Variants in DCC observed in about 807,000 individuals in gnomAD.
DCC encodes DCC netrin 1 receptor.
In DCC, 58 loss-of-function variants were observed where a neutral mutation model predicts 172.5. The observed-to-expected ratio is 0.34, with a 90% confidence interval of 0.27 to 0.42. DCC has a LOEUF of 0.42. Ranked by LOEUF, DCC falls within the 10% of genes least tolerant of loss-of-function variation. The pLI is 1.00. For missense variants in DCC, 1,740 were observed against 1,791.0 expected (o/e 0.97, Z 0.51); for synonymous variants, 709 against 644.5 (o/e 1.10, Z -1.52).
chr18:53,157,168 A>G (rs991941782), intron 7 of DCC, among the ~76,000 whole-genome samples, 188 bp from the exon 8 acceptor site: 4 of 152,204 alleles, frequency 2.6e-5, no homozygotes, highest in Non-Finnish European at 4.4e-5. Flanking sequence ...GCCACACTTT[A>G]AAACCCAAGA....
intron 12 of DCC, among the ~76,000 whole-genome samples, chr18:53,270,373 G>A (rs568051858): frequency 2.0e-5 from 3 of 152,088 alleles, no homozygotes; most frequent in Non-Finnish European, 4.4e-5. Context: ...TGTTTTTGGG[G>A]GAGGGGGAAA....
At chr18:53,075,570 A>G (rs1043318160) in intron 7 of DCC, among the ~76,000 whole-genome samples, 2 of 146,686 alleles carry the variant, frequency 1.4e-5, no homozygotes, top group African/African-American at 5.0e-5. Flanking sequence ...TTAGCTCTCT[A>G]GAGTAGAAAA....
chr18:53,076,342 T>G (rs889760767), intron 7 of DCC, among the ~76,000 whole-genome samples: 1 of 152,174 alleles, frequency 6.6e-6, no homozygotes, highest in African/African-American at 2.4e-5. Flanking sequence ...TCTCTTGTGT[T>G]TGTTTAGTCT....
intron 1 of DCC, among the ~76,000 whole-genome samples, chr18:52,447,379 A>C (rs1251390481): frequency 6.6e-6 from 1 of 152,202 alleles, no homozygotes; most frequent in Admixed American, 6.5e-5. Flanking sequence ...GTATTACTGT[A>C]AATAAAGGTC....
At chr18:52,724,760 C>A (rs1346952969) in intron 1 of DCC, among the ~76,000 whole-genome samples, 1 of 152,162 alleles carries the variant, frequency 6.6e-6, no homozygotes, top group African/African-American at 2.4e-5. Context: ...CACTCAAACA[C>A]CCTATACACA....
intron 20 of DCC, among the ~76,000 whole-genome samples, chr18:53,415,474 G>A (rs1279152965): frequency 2.0e-5 from 3 of 151,704 alleles, no homozygotes; most frequent in Non-Finnish European, 4.4e-5. Context: ...CTCTTATTTA[G>A]TTTCATCTGG....
chr18:52,429,476 T>G (rs929350170), intron 1 of DCC, among the ~76,000 whole-genome samples: 34 of 152,154 alleles, frequency 2.2e-4, no homozygotes, highest in African/African-American at 7.5e-4. Flanking sequence ...TTAATGACTT[T>G]TCACCATCTA....
intron 5 of DCC, among the ~76,000 whole-genome samples, chr18:52,938,670 A>G (rs2040417164): frequency 6.6e-6 from 1 of 152,166 alleles, no homozygotes; most frequent in South Asian, 2.1e-4. Context: ...CATATATAAT[A>G]CATATGAAAA....
chr18:52,795,561 T>G (rs1449346216), intron 2 of DCC, among the ~76,000 whole-genome samples: 1 of 151,932 alleles, frequency 6.6e-6, no homozygotes, highest in African/African-American at 2.4e-5. Flanking sequence ...CAAGTTTTTG[T>G]TTTATTGGTT....
At chr18:52,438,014 A>G (rs961259955) in intron 1 of DCC, among the ~76,000 whole-genome samples, 1 of 152,198 alleles carries the variant, frequency 6.6e-6, no homozygotes, top group South Asian at 2.1e-4. Flanking sequence ...TTAAGAGCCA[A>G]TGGAAAAATG....
intron 5 of DCC, among the ~76,000 whole-genome samples, chr18:52,955,587 T>C (rs1943105): frequency 0.97 from 147,996 of 152,128 alleles, 72,127 homozygotes; most frequent in Middle Eastern, 1. Context: ...CTGGATCATA[T>C]GTGAAGAGTA....
chr18:53,349,045 A>G (rs767045316), intron 15 of DCC, among the ~76,000 whole-genome samples: 3 of 152,182 alleles, frequency 2.0e-5, no homozygotes, highest in East Asian at 1.9e-4. Context: ...TTTCTTTGCT[A>G]TCACATTGTC....
At chr18:52,460,086 TC>T (rs2144536072) in intron 1 of DCC, among the ~76,000 whole-genome samples, 1 of 152,264 alleles carries the variant, frequency 6.6e-6, no homozygotes, top group East Asian at 1.9e-4. Flanking sequence ...TGAGATATTT[TC>T]CCATGGTAAT....
intron 2 of DCC, among the ~76,000 whole-genome samples, chr18:52,842,466 GT>G (rs900938364): frequency 7.9e-5 from 12 of 152,062 alleles, no homozygotes; most frequent in Non-Finnish European, 1.6e-4. Context: ...ACTTCTTTTT[GT>G]TCTATTAAGG....
intron 12 of DCC, among the ~76,000 whole-genome samples, chr18:53,249,401 T>A (rs1395522176): frequency 6.6e-6 from 1 of 151,894 alleles, no homozygotes; most frequent in African/African-American, 2.4e-5. Flanking sequence ...TCTAGTCACG[T>A]GTTTTTGACA....
chr18:53,245,858 A>G (rs2056358943), intron 12 of DCC, among the ~76,000 whole-genome samples: 1 of 152,014 alleles, frequency 6.6e-6, no homozygotes, highest in African/African-American at 2.4e-5. Context: ...TTTACTTGTC[A>G]GGCTTTCGTA....
chr18:52,594,740 A>G (rs988039456), intron 1 of DCC, among the ~76,000 whole-genome samples: 1 of 152,272 alleles, frequency 6.6e-6, no homozygotes. Flanking sequence ...CAGGCACATC[A>G]CATGGCAAAA....
At position 53,052,989 on chromosome 18, in the gene DCC, A is replaced by G. The variant is rs979855282; in HGVS notation, c.986-10316A>G. ...AAAACCGTGTCTCCACTAAAAATAC[A>G]AAAATTAGTAGAGCGTGATGGTGTG... On this transcript the variant is annotated intron_variant, in intron 5 of 28. Transcript: ENST00000442544. 2.5e-4 allele frequency among the ~76,000 whole-genome samples: 38 copies of G among 152,194 alleles called. 1 individual carries two copies. Among genetic ancestry groups the G allele is most frequent in the Non-Finnish European group, 1.0e-4 (7 of 68,006 alleles).
At chr18:53,145,106 T>C (rs999425065) in intron 7 of DCC, among the ~76,000 whole-genome samples, 1 of 16,038 alleles carries the variant, frequency 6.2e-5, no homozygotes, top group African/African-American at 1.7e-4. Flanking sequence ...AGGGCTCTGC[T>C]TTTTTTTTTT....
Sources: allele counts gnomAD v4.1 joint callset (sites outside exome capture counted in the v4.1 genomes callset), GRCh38; gene constraint gnomAD v4.1.1; transcripts MANE v1.5; gene names NCBI Gene and HGNC (gene_info 2026-07-23, HGNC 2026-07-21).